CUX2: variants seen among roughly 807,000 people sequenced by gnomAD.
CUX2 encodes cut like homeobox 2.
In CUX2, 40 loss-of-function variants were observed where a neutral mutation model predicts 144.8. The observed-to-expected ratio is 0.28, with a 90% CI of 0.21 to 0.36. The LOEUF (loss-of-function observed/expected upper bound fraction) is 0.36. Ranked by LOEUF, CUX2 falls within the 10% of genes least tolerant of loss-of-function variation. The probability of loss-of-function intolerance (pLI) is 1.00; values close to 1 mark genes in which losing one functional copy is unlikely to be tolerated. For synonymous variants in CUX2, 827 were observed against 875.6 expected (o/e 0.94, Z 0.98); for missense variants, 1,615 against 1,994.0 (o/e 0.81, Z 3.62).
intron 1 of CUX2, among the ~76,000 whole-genome samples, chr12:111,060,212 C>G (rs1870703792): frequency 6.6e-6 from 1 of 152,242 alleles, no homozygotes; most frequent in African/African-American, 2.4e-5. Flanking sequence ...CCCTCACCCT[C>G]ATCCAATCCC....
chr12:111,087,852 A>G (rs1872328048), intron 1 of CUX2, among the ~76,000 whole-genome samples: 1 of 152,200 alleles, frequency 6.6e-6, no homozygotes, highest in Non-Finnish European at 1.5e-5. Context: ...CTGCACACAA[A>G]TGTTCTCAGA....
chr12:111,087,393 A>G (rs1446581632), intron 1 of CUX2, among the ~76,000 whole-genome samples: 3 of 144,308 alleles, frequency 2.1e-5, no homozygotes, highest in Non-Finnish European at 4.5e-5. Context: ...AAAAAAAAAA[A>G]AGAAAGAAAA....
At chr12:111,130,147 T>G (rs1875374000) in intron 1 of CUX2, among the ~76,000 whole-genome samples, 1 of 152,214 alleles carries the variant, frequency 6.6e-6, no homozygotes, top group African/African-American at 2.4e-5. Context: ...CAGTATAAAC[T>G]TTTGGCAGTA....
At chr12:111,191,209 G>A (rs1023506646) in intron 1 of CUX2, among the ~76,000 whole-genome samples, 3 of 152,114 alleles carry the variant, frequency 2.0e-5, no homozygotes, top group Middle Eastern at 3.2e-3. Flanking sequence ...CTGCAGAGGG[G>A]GTGAAATGAA....
At chr12:111,195,939 A>T (rs1334886359) in intron 1 of CUX2, among the ~76,000 whole-genome samples, 1 of 152,208 alleles carries the variant, frequency 6.6e-6, no homozygotes, top group Non-Finnish European at 1.5e-5. Flanking sequence ...ATGGAGTTGT[A>T]CAACCATCAC....
chr12:111,165,990 G>A (rs182214739), intron 1 of CUX2, among the ~76,000 whole-genome samples: 160 of 152,222 alleles, frequency 1.1e-3, no homozygotes, highest in Non-Finnish European at 2.0e-3. Context: ...TCATGATTGC[G>A]CTTTCAGTGT....
intron 3 of CUX2, among the ~76,000 whole-genome samples, chr12:111,251,351 A>G (rs1376345489): frequency 6.6e-6 from 1 of 152,230 alleles, no homozygotes; most frequent in Non-Finnish European, 1.5e-5. Context: ...AAGGGAAAAA[A>G]GCTTCCTTTT....
intron 1 of CUX2, among the ~76,000 whole-genome samples, chr12:111,098,585 C>T (rs1425973044): frequency 6.6e-6 from 1 of 152,206 alleles, no homozygotes; most frequent in East Asian, 1.9e-4. Flanking sequence ...TTCCATCCCA[C>T]ATCTTGACGC....
chr12:111,220,532 T>C (rs919594083), intron 3 of CUX2, among the ~76,000 whole-genome samples: 5 of 152,024 alleles, frequency 3.3e-5, no homozygotes, highest in African/African-American at 1.2e-4. Flanking sequence ...ACTCTGCTCC[T>C]AAACCAGCTG....
At chr12:111,195,767 C>A (rs1340608792) in intron 1 of CUX2, among the ~76,000 whole-genome samples, 1 of 152,222 alleles carries the variant, frequency 6.6e-6, no homozygotes, top group African/African-American at 2.4e-5. Context: ...AGACAAGGCT[C>A]TCAAAGCCAG....
intron 3 of CUX2, among the ~76,000 whole-genome samples, chr12:111,259,376 C>T (rs925625465): frequency 6.6e-6 from 1 of 152,080 alleles, no homozygotes; most frequent in Admixed American, 6.6e-5. Flanking sequence ...AACATAAAAG[C>T]AGCCATAGAC....
chr12:111,330,690 T>TACATATATATATATATACACATATAC, intron 18 of CUX2, among the ~76,000 whole-genome samples: 1 of 9,972 alleles, frequency 1.0e-4, no homozygotes, highest in East Asian at 1.1e-3. Flanking sequence ...CATATACATA[T>TACATATATATATATATACACATATAC]ATATATATAT....
chr12:111,062,158 AT>A (rs1870807047), intron 1 of CUX2, among the ~76,000 whole-genome samples: 2 of 152,202 alleles, frequency 1.3e-5, no homozygotes, highest in Admixed American at 6.5e-5. Context: ...TCCTTGCGGA[AT>A]GAATGTGGGT....
At chr12:111,137,400 T>C (rs1283814715) in intron 1 of CUX2, among the ~76,000 whole-genome samples, 2 of 150,914 alleles carry the variant, frequency 1.3e-5, no homozygotes, top group African/African-American at 5.0e-5. Context: ...TGTTGTTAAA[T>C]AGAATTGAAA....
rs1883751941 is a variant in CUX2 at position 111,255,136 on chromosome 12, C to T, written c.223-8625C>T. The stretch of plus-strand genomic sequence containing the variant: ...ACAGGCGTGAGCCACCGCACCCAAC[C>T]TTAATCAGTCTTTAGAACCAGCTAG... On this transcript the variant is annotated intron_variant, in intron 3 of 21. Coordinates refer to ENST00000261726, the MANE Select transcript of CUX2 (RefSeq NM_015267.4). The surrounding 1 kb of genome is among the most constrained non-coding windows in gnomAD (Gnocchi z 4.1). Among the ~76,000 whole-genome samples, 1 of 152,188 alleles carries T rather than the reference C, an allele frequency of 6.6e-6. No individual in the cohort carries two copies. The highest frequency in any genetic ancestry group is 1.5e-5 in the Non-Finnish European group (1 of 68,026).
intron 21 of CUX2, among the ~76,000 whole-genome samples, chr12:111,342,822 G>A (rs890375870): frequency 1.4e-4 from 22 of 151,964 alleles, no homozygotes; most frequent in Non-Finnish European, 3.1e-4. Context: ...AGCTGGACGT[G>A]GTGGTGCATG....
intron 1 of CUX2, among the ~76,000 whole-genome samples, chr12:111,106,377 A>C (rs1242495867): frequency 1.3e-5 from 2 of 152,300 alleles, no homozygotes; most frequent in Admixed American, 6.5e-5. Flanking sequence ...GGCTGGTCTC[A>C]AACCCCTGGA....
intron 3 of CUX2, among the ~76,000 whole-genome samples, chr12:111,240,853 G>A (rs552554939): frequency 6.6e-6 from 1 of 152,276 alleles, no homozygotes; most frequent in South Asian, 2.1e-4. Flanking sequence ...AAACAGAAAT[G>A]TTAGGTATCT....
rs370460243 is a variant in CUX2, at chr12:111,348,340, G to A, written c.*15G>A. Reference sequence around the variant, plus strand: ...GGGAGTTCTGAAGGCAGGGTGAGGGGGCAAGGGACATACCCTGGTAACTAC... The same window carrying A: ...GGGAGTTCTGAAGGCAGGGTGAGGGAGCAAGGGACATACCCTGGTAACTAC... On this transcript the variant is annotated 3_prime_UTR_variant, in exon 22 of 22. Transcript: ENST00000261726. The A allele has an allele frequency of 3.8e-6, 6 of 1,599,594 alleles. No individual in the cohort carries two copies. In the African/African-American group the frequency reaches 8.0e-5, roughly 21 times the overall value.
Sources: gnomAD v4.1 joint callset for allele counts (sites outside exome capture counted in the v4.1 genomes callset) on GRCh38, gnomAD v4.1.1 for gene constraint, Gnocchi (gnomAD v3.1) non-coding constraint, MANE v1.5 for transcripts, NCBI Gene and HGNC (gene_info 2026-07-23, HGNC 2026-07-21) for gene names.